The following NOP53 variants were observed in gnomAD, a reference collection of about 807,000 sequenced individuals.
NOP53 encodes the protein NOP53 ribosome biogenesis factor, also known as ribosome biogenesis protein NOP53.
A neutral mutation model predicts 61.0 loss-of-function variants in NOP53; 40 were observed. The ratio of observed to expected loss-of-function variants is 0.66; its 90% CI spans 0.51 to 0.85. The LOEUF (loss-of-function observed/expected upper bound fraction) is 0.85. Ranked by LOEUF, NOP53 falls within the 40% of genes least tolerant of loss-of-function variation. The pLI, the probability that NOP53 is intolerant of heterozygous loss-of-function variation, is 0.00. For missense variants in NOP53, 689 were observed against 652.9 expected, an observed-to-expected ratio of 1.06 and a Z score of -0.60; for synonymous variants, 308 against 289.5, an observed-to-expected ratio of 1.06 and a Z score of -0.65.
At chr19:47,751,959 T>A (rs1169235455) in intron 5 of NOP53, among the ~76,000 whole-genome samples, 1 of 150,322 alleles carries the variant, frequency 6.7e-6, no homozygotes, top group Non-Finnish European at 1.5e-5. Context: ...AAAAAAAAAT[T>A]AGCTGGGCTT....
chr19:47,753,692 AG>A (rs1568599797), intron 6 of NOP53: 1 of 152,214 alleles, frequency 6.6e-6, no homozygotes, highest in African/African-American at 2.4e-5. Context: ...TTCCTGGACC[AG>A]ATGTGGGAGG....
intron 5 of NOP53, among the ~76,000 whole-genome samples, chr19:47,751,947 C>CA (rs3837958): frequency 2.0e-5 from 3 of 150,600 alleles, no homozygotes; most frequent in Admixed American, 6.6e-5. Context: ...ACTAAAAATA[C>CA]AAAAAAAAAA....
chr19:47,754,956 A>C lies in NOP53; in HGVS notation c.1053+65A>C. 7.1e-7 allele frequency: 1 copy of C among 1,401,492 alleles called. No individual in the cohort carries two copies. Among genetic ancestry groups the C allele is most frequent in the South Asian group, 1.4e-5 (1 of 69,872 alleles). The allele number at this position is 1,401,492 out of a possible 1,614,324, so 86.8% of individuals were successfully genotyped here. ...GCCCCCTTCCTTCCTTCCTCCCACC[A>C]TGGGCTGCCCTGGGTGCTGCGGGCA... On this transcript the variant is annotated intron_variant, in intron 8 of 12. Transcript: ENST00000246802. This position sits in a 1 kb window ranked among gnomAD's most constrained non-coding sequence, Gnocchi z 4.2.
At chr19:47,746,093 T>C (rs541249683) in intron 1 of NOP53, 37 of 418,808 alleles carry the variant, frequency 8.8e-5, no homozygotes, top group African/African-American at 7.3e-4. Flanking sequence ...TGCTGTTTTC[T>C]AAATATGTGT....
At position 47,754,965 on chromosome 19, in the gene NOP53, C is replaced by A; in HGVS notation, c.1053+74C>A. On this transcript the variant is annotated intron_variant, in intron 8 of 12. Coordinates refer to ENST00000246802, the MANE Select transcript of NOP53 (RefSeq NM_015710.5). The surrounding 1 kb of genome is among the most constrained non-coding windows in gnomAD (Gnocchi z 4.2). ...CTTCCTTCCTCCCACCATGGGCTGC[C>A]CTGGGTGCTGCGGGCAGCCTGCACA... is the stretch of plus-strand genomic sequence containing the variant. The A allele has an allele frequency of 7.3e-7, 1 of 1,372,358 alleles. No homozygotes were observed. Among genetic ancestry groups the A allele is most frequent in the Non-Finnish European group, 9.6e-7 (1 of 1,041,360 alleles). The allele number at this position is 1,372,358 out of a possible 1,614,324, so 85.0% of individuals were successfully genotyped here. A position where few individuals can be genotyped will look rare whatever the true frequency, so the allele number is the denominator to read the frequency against.
In NOP53 at chr19:47,754,565, G is replaced by A. The variant is rs1967163521; in HGVS notation, c.804G>A (p.Arg268=). The A allele has an allele frequency of 6.4e-7, 1 of 1,552,596 alleles. No homozygotes were observed. The highest frequency in any genetic ancestry group is 8.7e-7 in the Non-Finnish European group (1 of 1,148,952). The change falls in exon 7 of 13, where the codon CGG becomes CGA. Residue 268 remains arginine, a synonymous_variant. Coordinates refer to ENST00000246802, the MANE Select transcript of NOP53 (RefSeq NM_015710.5). This position sits in a 1 kb window ranked among gnomAD's most constrained non-coding sequence, Gnocchi z 4.2. ...LSAAHEVELQ[R]QKEAEKLERQ... is the part of the protein sequence containing the mutation. ...CGGCCCACGAGGTGGAGTTGCAGCG[G>A]CAGAAGGAGGCGGAGAAGCTGGAGC...
Position 47,754,898 on chromosome 19 carries a change from G to A in NOP53, c.1053+7G>A, listed in dbSNP as rs376376309. 1.0e-4 allele frequency: 150 copies of A among 1,496,604 alleles called. 1 individual carries two copies. The African/African-American group carries it at 1.6e-3, about 16-fold the overall frequency. 92.7% of individuals were successfully genotyped at this position (1,496,604 alleles called of 1,614,324 possible). On this transcript the variant is annotated splice_region_variant and intron_variant, in intron 8 of 12. Coordinates refer to ENST00000246802, the MANE Select transcript of NOP53 (RefSeq NM_015710.5). The surrounding 1 kb of genome is among the most constrained non-coding windows in gnomAD (Gnocchi z 4.2). The stretch of plus-strand genomic sequence containing the variant: ...GAAGGCTGTGCACAGGCTGGTGAGC[G>A]CCTGGGCCAGCGGGGCCTGCCTCTG...
intron 11 of NOP53, 34 bp downstream of exon 11, chr19:47,756,638 G>C (rs1482009616): frequency 6.2e-7 from 1 of 1,612,724 alleles, no homozygotes; most frequent in Non-Finnish European, 8.5e-7. Context: ...TGGGGCGAGG[G>C]CATCTGGGAT....
chr19:47,755,909 C>T (rs761291661), intron 10 of NOP53, 87 bp downstream of exon 10: 48 of 1,125,786 alleles, frequency 4.3e-5, no homozygotes, highest in Middle Eastern at 2.0e-4. Context: ...ATGGGCGACA[C>T]CATGGCTGCC....
chr19:47,756,470 G>C (rs1309387467), intron 10 of NOP53, 58 bp from the exon 11 acceptor site: 1 of 1,423,936 alleles, frequency 7.0e-7, no homozygotes, highest in East Asian at 2.3e-5. Flanking sequence ...CCCGAGGAGA[G>C]GTCCAGGCCC....
intron 10 of NOP53, chr19:47,756,058 A>G: frequency 1.7e-6 from 1 of 578,440 alleles, no homozygotes; most frequent in Admixed American, 3.0e-5. Context: ...TCCCTGTTGC[A>G]GTCCCGGTCA....
chr19:47,751,315 C>T (rs1967122375), intron 4 of NOP53: 1 of 646,876 alleles, frequency 1.5e-6, no homozygotes, highest in Admixed American at 2.9e-5. Flanking sequence ...GGAAAGGAAG[C>T]CTTCAGCTTT....
chr19:47,745,815 C>G (rs1186095855), intron 1 of NOP53, 32 bp downstream of exon 1: 2 of 1,311,478 alleles, frequency 1.5e-6, no homozygotes, highest in Admixed American at 3.4e-5. Context: ...GGAGGTGGGA[C>G]GGTTCCTGCG....
intron 2 of NOP53, 130 bp downstream of exon 2, chr19:47,747,161 T>G: frequency 1.5e-6 from 1 of 672,192 alleles, no homozygotes. Context: ...AACCTTAATA[T>G]AAACAAGGGG....
At chr19:47,747,440 G>A (rs976001768) in intron 2 of NOP53, among the ~76,000 whole-genome samples, 5 of 152,028 alleles carry the variant, frequency 3.3e-5, no homozygotes, top group South Asian at 2.1e-4. Context: ...TCAGGAGTTC[G>A]AGACCAGCCT....
intron 4 of NOP53, 90 bp from the exon 5 acceptor site, chr19:47,751,430 C>A: frequency 9.7e-7 from 1 of 1,027,022 alleles, no homozygotes; most frequent in Non-Finnish European, 1.5e-6. Context: ...TCAGGGTCAC[C>A]TTTTTGAAAT....
rs548738286 is a variant in NOP53 at position 47,750,974 on chromosome 19, G to A, written c.465G>A (p.Leu155=). The change falls in exon 4 of 13, where the codon CTG becomes CTA. Residue 155 remains leucine (L), a synonymous_variant. Coordinates refer to ENST00000246802, the MANE Select transcript of NOP53 (RefSeq NM_015710.5). ...GGAAGGAGCAGCTATGGGAGAAGCT[G>A]GCCAAGCAGGGCGAGCTGCCCCGGG... is the stretch of plus-strand genomic sequence containing the variant. The part of the protein sequence containing the change: ...LRRKEQLWEK[L]AKQGELPREV... The A allele has an allele frequency of 1.3e-6, 2 of 1,596,776 alleles. No homozygotes were observed. The highest frequency in any genetic ancestry group is 1.7e-6 in the Non-Finnish European group (2 of 1,172,866).
rs550111809 is a variant in NOP53, at chr19:47,754,884, A to G, written c.1046A>G (p.His349Arg). 1.8e-4 allele frequency: 273 copies of G among 1,509,600 alleles called. 2 individuals are homozygous for G. In the East Asian group the frequency reaches 6.3e-3, roughly 35 times the overall value. 93.5% of individuals were successfully genotyped at this position (1,509,600 alleles called of 1,614,324 possible). A position where few individuals can be genotyped will look rare whatever the true frequency, so the allele number is the denominator to read the frequency against. The change falls in exon 8 of 13, where the codon CAC becomes CGC. Residue 349 changes from histidine to arginine, a missense_variant. Coordinates refer to ENST00000246802, the MANE Select transcript of NOP53 (RefSeq NM_015710.5). The surrounding 1 kb of genome is among the most constrained non-coding windows in gnomAD (Gnocchi z 4.2). ...EQQRRREKAV[H>R]RLRVQQAALR... ...CAGCGGCGGCGGGAGAAGGCTGTGC[A>G]CAGGCTGGTGAGCGCCTGGGCCAGC...
rs766709228 is a variant in NOP53, at chr19:47,755,718, C to T, written c.1230-38C>T. The T allele has an allele frequency of 4.6e-5, 72 of 1,565,074 alleles. No homozygotes were observed. In the Admixed American group the frequency reaches 6.9e-4, roughly 15 times the overall value. The stretch of plus-strand genomic sequence containing the variant: ...TTTGGACTGGGTGTCCTGGGCCCCG[C>T]GGGGGTGATATTTCTGAACACCCGC... On this transcript the variant is annotated intron_variant, in intron 9 of 12. Transcript: ENST00000246802.
Sources: gnomAD v4.1 joint callset for allele counts (sites outside exome capture counted in the v4.1 genomes callset) on GRCh38, gnomAD v4.1.1 for gene constraint, Gnocchi (gnomAD v3.1) non-coding constraint, MANE v1.5 for transcripts, NCBI Gene and HGNC (gene_info 2026-07-23, HGNC 2026-07-21) for gene names.